The following PEAK1 variants were observed in gnomAD, a reference collection of about 807,000 sequenced individuals.
The protein encoded by PEAK1 is inactive tyrosine-protein kinase PEAK1.
Under a neutral mutation model 124.7 loss-of-function variants are expected in PEAK1, and 54 were observed. The observed-to-expected ratio is 0.43, with a 90% CI of 0.35 to 0.54. The LOEUF is 0.54. Ranked by LOEUF, PEAK1 falls within the 20% of genes least tolerant of loss-of-function variation. PEAK1 has a pLI of 0.01. For synonymous variants in PEAK1, 719 were observed against 760.0 expected (o/e 0.95, Z 0.89); for missense variants, 2,046 against 2,134.5 (o/e 0.96, Z 0.82).
chr15:77,200,126 CCTT>C (rs2058293127), intron 6 of PEAK1, among the ~76,000 whole-genome samples: 1 of 152,176 alleles, frequency 6.6e-6, no homozygotes, highest in Non-Finnish European at 1.5e-5. Flanking sequence ...CAAAACCAAC[CCTT>C]CTTCTTCCTC....
chr15:77,306,601 G>A (rs2064118281), intron 2 of PEAK1, among the ~76,000 whole-genome samples: 1 of 152,116 alleles, frequency 6.6e-6, no homozygotes, highest in South Asian at 2.1e-4. Flanking sequence ...TCCTTTTATA[G>A]ACTGGCTGAA....
intron 2 of PEAK1, among the ~76,000 whole-genome samples, chr15:77,318,700 TA>T (rs1350686005): frequency 2.0e-5 from 3 of 151,950 alleles, no homozygotes; most frequent in Non-Finnish European, 2.9e-5. Context: ...TATAATTTAT[TA>T]ATTAGAATAA....
At chr15:77,321,396 T>C (rs906660853) in intron 2 of PEAK1, among the ~76,000 whole-genome samples, 1 of 152,226 alleles carries the variant, frequency 6.6e-6, no homozygotes, top group Non-Finnish European at 1.5e-5. Flanking sequence ...TGATTTGCAT[T>C]TCTCTGATGG....
chr15:77,256,374 T>A (rs997014929), intron 5 of PEAK1, among the ~76,000 whole-genome samples: 5 of 151,962 alleles, frequency 3.3e-5, no homozygotes, highest in Middle Eastern at 3.2e-3. Flanking sequence ...TTATTTACTC[T>A]GCTATTTAAC....
At chr15:77,333,667 T>C in intron 2 of PEAK1, 1 of 974,600 alleles carries the variant, frequency 1.0e-6, no homozygotes, top group Non-Finnish European at 1.2e-6. Context: ...TTTAAGTCAA[T>C]ATTCTTACCA....
chr15:77,228,566 C>T (rs1223212511), intron 6 of PEAK1, among the ~76,000 whole-genome samples: 1 of 152,114 alleles, frequency 6.6e-6, no homozygotes, highest in East Asian at 1.9e-4. Flanking sequence ...AAATATCACA[C>T]CTTTGCCCAG....
chr15:77,231,767 T>C (rs902693478), intron 6 of PEAK1, among the ~76,000 whole-genome samples: 2 of 152,210 alleles, frequency 1.3e-5, no homozygotes, highest in Non-Finnish European at 2.9e-5. Flanking sequence ...GCTGTTCATC[T>C]AATAATATAT....
chr15:77,335,486 T>C (rs2066143084), intron 2 of PEAK1: 1 of 985,390 alleles, frequency 1.0e-6, no homozygotes, highest in Admixed American at 6.1e-5. Context: ...TGATGCTTAC[T>C]ACTTTGTTTC....
intron 8 of PEAK1, among the ~76,000 whole-genome samples, chr15:77,144,703 T>C (rs940382463): frequency 5.3e-5 from 8 of 152,190 alleles, no homozygotes; most frequent in African/African-American, 1.2e-4. Flanking sequence ...CAGAAACTTA[T>C]GCGTTCCAAA....
chr15:77,393,296 G>A (rs184563662), intron 1 of PEAK1, among the ~76,000 whole-genome samples: 3 of 152,284 alleles, frequency 2.0e-5, no homozygotes, highest in East Asian at 1.9e-4. Context: ...GAGCCAGGGC[G>A]ACCAAGGCAG....
intron 6 of PEAK1, among the ~76,000 whole-genome samples, chr15:77,182,765 A>C (rs1326854966): frequency 1.3e-5 from 2 of 150,166 alleles, no homozygotes; most frequent in Non-Finnish European, 3.0e-5. Context: ...AAAAAAAAAA[A>C]AAAAGGCTGA....
At position 77,179,481 on chromosome 15, in the gene PEAK1, G is replaced by A. The variant is rs757079829; in HGVS notation, c.2446C>T (p.Arg816Trp). 17 of 1,613,928 alleles carry A rather than the reference G, an allele frequency of 1.1e-5. No homozygotes were observed. The highest frequency in any genetic ancestry group is 5.0e-5 in the Admixed American group (3 of 59,968). The change falls in exon 7 of 10, where the codon CGG (arginine) becomes TGG (tryptophan). Residue 816 changes from arginine to tryptophan, a missense_variant. By Grantham distance (101) the Arg-to-Trp change is moderately radical (BLOSUM62 -3). Transcript: ENST00000682557. ...AKSTPKSTPV[R>W]PKSLFTSQPS... is the part of the protein sequence containing the mutation. Reference sequence around the variant, plus strand: ...TGAGATGTAAAGAGAGATTTGGGCCGGACTGGCGTACTCTTAGGTGTGCTC... The same window carrying A: ...TGAGATGTAAAGAGAGATTTGGGCCAGACTGGCGTACTCTTAGGTGTGCTC...
chr15:77,245,800 G>A (rs1467655890), intron 6 of PEAK1, among the ~76,000 whole-genome samples: 1 of 152,072 alleles, frequency 6.6e-6, no homozygotes, highest in East Asian at 1.9e-4. Flanking sequence ...ATCTATTTCT[G>A]GACTATTTAT....
At chr15:77,248,786 C>A (rs1379837449) in intron 6 of PEAK1, among the ~76,000 whole-genome samples, 1 of 151,528 alleles carries the variant, frequency 6.6e-6, no homozygotes, top group Non-Finnish European at 1.5e-5. Context: ...ACTCAGTACA[C>A]ATTATTACTA....
chr15:77,138,843 C>T (rs963934284), intron 8 of PEAK1, among the ~76,000 whole-genome samples: 3 of 141,368 alleles, frequency 2.1e-5, no homozygotes, highest in African/African-American at 7.9e-5. Flanking sequence ...GCCTGGGTGA[C>T]AGAGCGAGAC....
rs756224316 is a variant in PEAK1 at position 77,133,272 on chromosome 15, C to T, written c.3810G>A (p.Lys1270=). 1 of 1,614,276 alleles carries T rather than the reference C, an allele frequency of 6.2e-7. No homozygotes were observed. The highest frequency in any genetic ancestry group is 1.1e-5 in the South Asian group (1 of 91,088). ...PSCRQGRGIQ[K]PQRQALYRGL... is the part of the protein sequence containing the mutation. ...CTCGATAAAGTGCTTGTCTCTGCGG[C>T]TTCTGGATGCCTCGGCCCTGTCTGC... The change falls in exon 9 of 10, where the codon AAG becomes AAA. Residue 1270 remains lysine (K), a synonymous_variant. Transcript: ENST00000682557. This position sits in a 1 kb window ranked among gnomAD's most constrained non-coding sequence, Gnocchi z 4.2.
chr15:77,219,742 C>T (rs1295465306), intron 6 of PEAK1, among the ~76,000 whole-genome samples: 1 of 152,086 alleles, frequency 6.6e-6, no homozygotes, highest in Non-Finnish European at 1.5e-5. Context: ...AAATGACTTT[C>T]TGGCTACCAT....
At chr15:77,327,232 T>C (rs2065634398) in intron 2 of PEAK1, among the ~76,000 whole-genome samples, 2 of 152,158 alleles carry the variant, frequency 1.3e-5, no homozygotes, top group African/African-American at 4.8e-5. Context: ...AGTATATTAA[T>C]GTTTTAATAA....
At chr15:77,402,729 T>A (rs997957798) in intron 1 of PEAK1, 118 of 985,274 alleles carry the variant, frequency 1.2e-4, no homozygotes, top group Non-Finnish European at 1.4e-4. Context: ...AGTTCTCATT[T>A]ATTCCCAGGA....
Sources: gnomAD v4.1 joint callset for allele counts (sites outside exome capture counted in the v4.1 genomes callset) on GRCh38, gnomAD v4.1.1 for gene constraint, Gnocchi (gnomAD v3.1) non-coding constraint, MANE v1.5 for transcripts, NCBI Gene and HGNC (gene_info 2026-07-23, HGNC 2026-07-21) for gene names.